Variants in KCNIP4 observed in about 807,000 individuals in gnomAD.
KCNIP4 encodes Kv channel-interacting protein 4.
Under a neutral mutation model 34.0 loss-of-function variants are expected in KCNIP4, and 12 were observed. The ratio of observed to expected loss-of-function variants is 0.35; its 90% CI spans 0.23 to 0.57. The LOEUF (loss-of-function observed/expected upper bound fraction) is 0.57. KCNIP4 is among the 20% of genes least tolerant of loss of function. The pLI is 0.83. For synonymous variants in KCNIP4, 124 were observed against 102.2 expected, an observed-to-expected ratio of 1.21 and a Z score of -1.29; for missense variants, 238 against 311.7, an observed-to-expected ratio of 0.76 and a Z score of 1.78.
At chr4:20,805,418 G>A (rs1310587684) in intron 3 of KCNIP4, among the ~76,000 whole-genome samples, 7 of 151,946 alleles carry the variant, frequency 4.6e-5, no homozygotes, top group Middle Eastern at 6.8e-3. Context: ...ACTGTTCTGA[G>A]AAATTTCTTT....
chr4:20,875,348 A>G (rs553028742), intron 2 of KCNIP4, among the ~76,000 whole-genome samples: 1 of 152,154 alleles, frequency 6.6e-6, no homozygotes, highest in Non-Finnish European at 1.5e-5. Context: ...AAATTAAATA[A>G]TCCCTCATAC....
chr4:21,515,316 C>T (rs1389420550), intron 1 of KCNIP4, among the ~76,000 whole-genome samples: 1 of 152,122 alleles, frequency 6.6e-6, no homozygotes, highest in Non-Finnish European at 1.5e-5. Flanking sequence ...GTGTTGGAAA[C>T]TTAATTCCCA....
intron 1 of KCNIP4, among the ~76,000 whole-genome samples, chr4:21,109,818 TC>T (rs113530236): frequency 0.29 from 44,193 of 152,006 alleles, 7,075 homozygotes; most frequent in African/African-American, 0.44. Flanking sequence ...CCTCTAATTT[TC>T]CCTTCTTTTG....
At chr4:20,995,289 G>A (rs2149710685) in intron 1 of KCNIP4, among the ~76,000 whole-genome samples, 1 of 152,192 alleles carries the variant, frequency 6.6e-6, no homozygotes, top group Middle Eastern at 3.4e-3. Context: ...CTTTATATCA[G>A]CGACTTATAA....
rs1735246911 is a variant in KCNIP4 at position 21,519,609 on chromosome 4, T to TGTGTGTATGTGTATATGTACAC, written c.61+428961_61+428962insGTGTACATATACACATACACAC. Among the ~76,000 whole-genome samples, 3 of 113,340 alleles carry TGTGTGTATGTGTATATGTACAC rather than the reference T, an allele frequency of 2.6e-5. 1 individual carries two copies. In the South Asian group the frequency reaches 8.5e-4, roughly 32 times the overall value. The allele number at this position is 113,340 out of a possible 152,430, so 74.4% of individuals were successfully genotyped here. A position where few individuals can be genotyped will look rare whatever the true frequency, so the allele number is the denominator to read the frequency against. ...GTATGTATGTGTATATATACACATA[T>TGTGTGTATGTGTATATGTACAC]GTGTGTGTATGTATGTGTATATACA... On this transcript the variant is annotated intron_variant, in intron 1 of 8. Transcript: ENST00000382152.
At chr4:21,663,877 C>A (rs1748634334) in intron 1 of KCNIP4, among the ~76,000 whole-genome samples, 1 of 152,218 alleles carries the variant, frequency 6.6e-6, no homozygotes, top group Non-Finnish European at 1.5e-5. Flanking sequence ...GTTGCAACTT[C>A]CTCAGAGTCA....
chr4:20,772,805 C>G (rs1756028356), intron 3 of KCNIP4, among the ~76,000 whole-genome samples: 1 of 152,044 alleles, frequency 6.6e-6, no homozygotes, highest in South Asian at 2.1e-4. Flanking sequence ...CGACGCCCGG[C>G]TAATTTTTTG....
chr4:21,203,054 C>A (rs905661357), intron 1 of KCNIP4, among the ~76,000 whole-genome samples: 8 of 152,226 alleles, frequency 5.3e-5, no homozygotes, highest in Non-Finnish European at 4.4e-5. Flanking sequence ...TGGCTACTCT[C>A]CTGAGCTGTA....
chr4:21,254,471 T>C (rs900946625), intron 1 of KCNIP4, among the ~76,000 whole-genome samples: 9 of 152,204 alleles, frequency 5.9e-5, no homozygotes, highest in Admixed American at 1.3e-4. Context: ...ATAGGAGTAA[T>C]AGGGCACGGT....
chr4:21,243,994 A>C (rs1231289356), intron 1 of KCNIP4, among the ~76,000 whole-genome samples: 1 of 152,204 alleles, frequency 6.6e-6, no homozygotes, highest in African/African-American at 2.4e-5. Flanking sequence ...GCAAACATGG[A>C]TAAATTGCTA....
At chr4:21,038,951 G>C (rs994584996) in intron 1 of KCNIP4, among the ~76,000 whole-genome samples, 1 of 152,146 alleles carries the variant, frequency 6.6e-6, no homozygotes, top group Non-Finnish European at 1.5e-5. Context: ...TGTGAAGGCT[G>C]GCATCCACAT....
intron 1 of KCNIP4, among the ~76,000 whole-genome samples, chr4:21,118,869 T>C (rs1472270681): frequency 6.6e-6 from 1 of 152,186 alleles, no homozygotes; most frequent in Admixed American, 6.5e-5. Context: ...CTTGACTTCT[T>C]GCCAGTGTTA....
At chr4:21,770,235 G>A (rs1238617929) in intron 1 of KCNIP4, among the ~76,000 whole-genome samples, 1 of 152,040 alleles carries the variant, frequency 6.6e-6, no homozygotes, top group Non-Finnish European at 1.5e-5. Context: ...TTCCATTCCT[G>A]TGTTAGTCTG....
At chr4:21,761,518 CT>C (rs1254208599) in intron 1 of KCNIP4, among the ~76,000 whole-genome samples, 3 of 151,702 alleles carry the variant, frequency 2.0e-5, no homozygotes, top group African/African-American at 4.8e-5. Flanking sequence ...ACCTCTCTCT[CT>C]TTTTTTTACA....
At chr4:21,636,071 T>C (rs1284080459) in intron 1 of KCNIP4, among the ~76,000 whole-genome samples, 5 of 138,086 alleles carry the variant, frequency 3.6e-5, no homozygotes, top group African/African-American at 5.5e-5. Flanking sequence ...TTCTCACTCA[T>C]AGGTGGGAAT....
chr4:20,778,361 C>A (rs771527278), intron 3 of KCNIP4, among the ~76,000 whole-genome samples: 1 of 152,142 alleles, frequency 6.6e-6, no homozygotes, highest in African/African-American at 2.4e-5. Context: ...ATTCTTAACT[C>A]ATAGTTAGAA....
At chr4:21,260,039 T>C (rs1055248456) in intron 1 of KCNIP4, among the ~76,000 whole-genome samples, 2 of 152,122 alleles carry the variant, frequency 1.3e-5, no homozygotes, top group African/African-American at 2.4e-5. Flanking sequence ...AAGCTGAAGA[T>C]GCATTAAAAC....
chr4:21,365,602 C>A (rs1283415186), intron 1 of KCNIP4, among the ~76,000 whole-genome samples: 1 of 151,772 alleles, frequency 6.6e-6, no homozygotes, highest in African/African-American at 2.4e-5. Flanking sequence ...ATTTTTCCAT[C>A]ATATTTACAT....
At chr4:21,237,956 T>C in intron 1 of KCNIP4, among the ~76,000 whole-genome samples, 1 of 152,214 alleles carries the variant, frequency 6.6e-6, no homozygotes, top group Admixed American at 6.5e-5. Flanking sequence ...ATATCCTTGA[T>C]GAACATTGAT....
Sources: allele counts gnomAD v4.1 joint callset (sites outside exome capture counted in the v4.1 genomes callset), GRCh38; gene constraint gnomAD v4.1.1; transcripts MANE v1.5; gene names NCBI Gene and HGNC (gene_info 2026-07-23, HGNC 2026-07-21).